MTMR7: variants seen among roughly 807,000 people sequenced by gnomAD.
MTMR7 encodes the protein phosphatidylinositol-3-phosphate phosphatase MTMR7.
Under a neutral mutation model 81.2 loss-of-function variants are expected in MTMR7, and 76 were observed. The observed-to-expected ratio is 0.94, with a 90% CI of 0.78 to 1.13. MTMR7 has a LOEUF of 1.13. Among genes scored for constraint, MTMR7 ranks in the 50% most tolerant of loss-of-function variants. The pLI is 0.00. For missense variants in MTMR7, 1,044 were observed against 820.0 expected (o/e 1.27, Z -3.34); for synonymous variants, 372 against 289.8 (o/e 1.28, Z -2.88).
chr8:17,370,682 C>A (rs770205944), intron 3 of MTMR7, among the ~76,000 whole-genome samples: 3 of 148,906 alleles, frequency 2.0e-5, no homozygotes, highest in Non-Finnish European at 4.4e-5. Flanking sequence ...CCACACAAAA[C>A]AACTGATTAG....
At chr8:17,400,828 A>T (rs949592735) in intron 1 of MTMR7, among the ~76,000 whole-genome samples, 5 of 151,486 alleles carry the variant, frequency 3.3e-5, no homozygotes, top group African/African-American at 1.2e-4. Flanking sequence ...TTTCTTTTTT[A>T]AGTTTTCCAA....
chr8:17,326,411 C>T (rs1010879426), intron 7 of MTMR7: 2 of 152,088 alleles, frequency 1.3e-5, no homozygotes, highest in Admixed American at 6.5e-5. Flanking sequence ...ATCTTCATTA[C>T]GATGTGAGGT....
chr8:17,351,945 G>T (rs1819741966), intron 4 of MTMR7, among the ~76,000 whole-genome samples: 1 of 152,134 alleles, frequency 6.6e-6, no homozygotes, highest in South Asian at 2.1e-4. Flanking sequence ...CCACTGAAAG[G>T]AATTAAAGAC....
At chr8:17,300,621 C>G (rs191383528) in intron 13 of MTMR7, among the ~76,000 whole-genome samples, 44 of 152,332 alleles carry the variant, frequency 2.9e-4, no homozygotes, top group African/African-American at 9.1e-4. Context: ...ATACAATTCA[C>G]TTACCGTGAA....
intron 5 of MTMR7, among the ~76,000 whole-genome samples, chr8:17,343,470 C>G (rs1400285242): frequency 1.3e-5 from 2 of 151,878 alleles, no homozygotes; most frequent in East Asian, 3.9e-4. Flanking sequence ...TGCCACCAGA[C>G]AATCTTAGAT....
intron 4 of MTMR7, among the ~76,000 whole-genome samples, chr8:17,359,943 A>G (rs1299042822): frequency 6.6e-6 from 1 of 152,188 alleles, no homozygotes; most frequent in Admixed American, 6.5e-5. Context: ...AAATTATATT[A>G]AAATGCTATC....
intron 1 of MTMR7, among the ~76,000 whole-genome samples, chr8:17,402,761 C>A (rs1821466094): frequency 1.3e-5 from 2 of 152,180 alleles, no homozygotes; most frequent in Admixed American, 6.5e-5. Flanking sequence ...CATATATAAC[C>A]AGTAGTGGGC....
intron 10 of MTMR7, 134 bp from the exon 11 acceptor site, chr8:17,306,091 A>G (rs1817436929): frequency 1.4e-6 from 1 of 705,056 alleles, no homozygotes; most frequent in Non-Finnish European, 2.2e-6. Context: ...AATGACAAAA[A>G]AGGTAGAAAA....
intron 4 of MTMR7, among the ~76,000 whole-genome samples, chr8:17,354,703 G>A (rs769569506): frequency 7.9e-5 from 12 of 152,174 alleles, no homozygotes. Context: ...AATAAGATAA[G>A]TTGTCAAACA....
chr8:17,351,125 A>T (rs561025332), intron 4 of MTMR7, among the ~76,000 whole-genome samples: 1 of 152,372 alleles, frequency 6.6e-6, no homozygotes, highest in East Asian at 1.9e-4. Flanking sequence ...CCAGACCAAC[A>T]ACATTTTCCT....
chr8:17,412,570 T>G (rs971572095), intron 1 of MTMR7, among the ~76,000 whole-genome samples: 1 of 152,158 alleles, frequency 6.6e-6, no homozygotes, highest in Non-Finnish European at 1.5e-5. Context: ...TTTACTGGAG[T>G]GATCAGGGAC....
intron 4 of MTMR7, among the ~76,000 whole-genome samples, chr8:17,353,919 C>T (rs776682544): frequency 3.3e-5 from 5 of 152,218 alleles, no homozygotes; most frequent in Non-Finnish European, 5.9e-5. Context: ...ATACGCCAGG[C>T]ATTACTCTCA....
intron 13 of MTMR7, chr8:17,301,850 C>G (rs1358276546): frequency 2.5e-6 from 1 of 402,482 alleles, no homozygotes; most frequent in East Asian, 3.8e-5. Context: ...CTTTTTCACA[C>G]TTTCCAGAAA....
chr8:17,378,828 A>C (rs1430359057), intron 1 of MTMR7, among the ~76,000 whole-genome samples: 1 of 152,220 alleles, frequency 6.6e-6, no homozygotes, highest in Admixed American at 6.5e-5. Flanking sequence ...TGGTTCATAA[A>C]ATCTTGCTGC....
chr8:17,344,790 C>T (rs1331580048), intron 5 of MTMR7, among the ~76,000 whole-genome samples: 11 of 152,132 alleles, frequency 7.2e-5, no homozygotes, highest in Admixed American at 6.5e-4. Flanking sequence ...ACTCCTGGCA[C>T]TGTGCCTAAC....
intron 1 of MTMR7, among the ~76,000 whole-genome samples, chr8:17,402,692 C>T (rs542991725): frequency 2.0e-5 from 3 of 152,254 alleles, no homozygotes; most frequent in South Asian, 4.1e-4. Flanking sequence ...TTCCAAATCT[C>T]GACTTCTGTG....
At chr8:17,412,448 G>A (rs1585132717) in intron 1 of MTMR7, among the ~76,000 whole-genome samples, 1 of 152,116 alleles carries the variant, frequency 6.6e-6, no homozygotes, top group Non-Finnish European at 1.5e-5. Context: ...TCTTTCACTC[G>A]TTTAGGGTTT....
intron 1 of MTMR7, among the ~76,000 whole-genome samples, chr8:17,374,701 T>C (rs1820521026): frequency 6.6e-6 from 1 of 152,088 alleles, no homozygotes; most frequent in Non-Finnish European, 1.5e-5. Flanking sequence ...CAATCCCAGC[T>C]ACTCGGGAGG....
rs144497278 is a variant in MTMR7, at chr8:17,310,303, G to A, written c.1102-977C>T. ...GGTGTGAGCTACCACACCCAGCCTG[G>A]ATTTTAAAAAGTGTTCAGTCAAGTA... On this transcript the variant is annotated intron_variant, in intron 9 of 13. Transcript: ENST00000180173. 1.6e-4 allele frequency among the ~76,000 whole-genome samples: 25 copies of A among 152,168 alleles called. No individual in the cohort carries two copies. The East Asian group carries it at 4.6e-3, about 28-fold the overall frequency.
Sources: allele counts gnomAD v4.1 joint callset (sites outside exome capture counted in the v4.1 genomes callset), GRCh38; gene constraint gnomAD v4.1.1; transcripts MANE v1.5; gene names NCBI Gene and HGNC (gene_info 2026-07-23, HGNC 2026-07-21).